NTM: variants seen among roughly 807,000 people sequenced by gnomAD.
NTM encodes the protein IgLON family member 2.
In NTM, 13 loss-of-function variants were observed where a neutral mutation model predicts 42.1. The observed-to-expected ratio is 0.31, with a 90% CI of 0.20 to 0.49. NTM has a LOEUF of 0.49. Among genes scored for constraint, NTM ranks in the 20% least tolerant of loss-of-function variants. The pLI, the probability that NTM is intolerant of heterozygous loss-of-function variation, is 0.99. For missense variants in NTM, 373 were observed against 452.8 expected, an observed-to-expected ratio of 0.82 and a Z score of 1.60; for synonymous variants, 187 against 179.2, an observed-to-expected ratio of 1.04 and a Z score of -0.35.
chr11:131,591,438 A>AG (rs969117339), intron 1 of NTM, among the ~76,000 whole-genome samples: 11 of 152,248 alleles, frequency 7.2e-5, no homozygotes, highest in African/African-American at 2.4e-4. Flanking sequence ...GGGAGATGGA[A>AG]GGGGGGCACA....
chr11:131,851,502 C>G (rs1268313594), intron 1 of NTM, among the ~76,000 whole-genome samples: 1 of 151,388 alleles, frequency 6.6e-6, no homozygotes, highest in Non-Finnish European at 1.5e-5. Context: ...TCTGGCTGGT[C>G]TATAACATCA....
chr11:132,028,637 G>C (rs2075515788), intron 2 of NTM, among the ~76,000 whole-genome samples: 1 of 152,136 alleles, frequency 6.6e-6, no homozygotes, highest in African/African-American at 2.4e-5. Flanking sequence ...TGCGCCGTGA[G>C]CTTCACAAGT....
At chr11:132,275,704 A>G (rs10791220) in intron 4 of NTM, among the ~76,000 whole-genome samples, 30,924 of 127,532 alleles carry the variant, frequency 0.24, 5,710 homozygotes, top group East Asian at 0.65. Flanking sequence ...ATATATATGT[A>G]TATATATATG....
intron 2 of NTM, among the ~76,000 whole-genome samples, chr11:132,029,828 T>C (rs984666477): frequency 3.9e-5 from 6 of 152,082 alleles, no homozygotes; most frequent in African/African-American, 7.2e-5. Context: ...TATAAAGTCA[T>C]TTCTGCCTGT....
chr11:131,554,394 T>C (rs1320359320), intron 1 of NTM, among the ~76,000 whole-genome samples: 1 of 152,122 alleles, frequency 6.6e-6, no homozygotes, highest in Non-Finnish European at 1.5e-5. Context: ...TATCAGCTGA[T>C]CAAAAATACA....
chr11:131,897,702 A>G (rs1472864236), intron 1 of NTM, among the ~76,000 whole-genome samples: 1 of 152,224 alleles, frequency 6.6e-6, no homozygotes, highest in Non-Finnish European at 1.5e-5. Flanking sequence ...TTGATGGAAC[A>G]CCTGGGAAAC....
At chr11:131,687,189 C>T (rs920761186) in intron 1 of NTM, among the ~76,000 whole-genome samples, 1 of 152,210 alleles carries the variant, frequency 6.6e-6, no homozygotes, top group Non-Finnish European at 1.5e-5. Flanking sequence ...TTTCACTAAC[C>T]CCATGTTCCA....
At chr11:132,100,390 C>A (rs1030213232) in intron 2 of NTM, among the ~76,000 whole-genome samples, 1 of 152,140 alleles carries the variant, frequency 6.6e-6, no homozygotes, top group African/African-American at 2.4e-5. Context: ...TGTGGGCAGG[C>A]GGATCATCAC....
chr11:132,012,925 G>A (rs1248544953), intron 2 of NTM, among the ~76,000 whole-genome samples: 1 of 152,086 alleles, frequency 6.6e-6, no homozygotes, highest in Non-Finnish European at 1.5e-5. Flanking sequence ...GAGAAGATTA[G>A]GGAATGTAGA....
chr11:131,599,639 T>A (rs2060294246), intron 1 of NTM, among the ~76,000 whole-genome samples: 1 of 152,234 alleles, frequency 6.6e-6, no homozygotes, highest in South Asian at 2.1e-4. Flanking sequence ...GAGGTCATAA[T>A]GGTGAGCAGG....
chr11:132,060,798 A>C (rs756151340), intron 2 of NTM, among the ~76,000 whole-genome samples: 1 of 152,184 alleles, frequency 6.6e-6, no homozygotes, highest in Non-Finnish European at 1.5e-5. Context: ...TTCCTGCTTC[A>C]TATAGTGTGA....
chr11:131,589,825 T>C (rs752146851), intron 1 of NTM, among the ~76,000 whole-genome samples: 3 of 152,176 alleles, frequency 2.0e-5, no homozygotes, highest in Non-Finnish European at 1.5e-5. Flanking sequence ...TGGTGTCCCT[T>C]AGCTGGAGGT....
intron 4 of NTM, among the ~76,000 whole-genome samples, chr11:132,278,589 C>A (rs988596284): frequency 6.6e-6 from 1 of 152,120 alleles, no homozygotes; most frequent in Admixed American, 6.5e-5. Context: ...GGTGCAGGGT[C>A]ATATTCTCCA....
intron 1 of NTM, among the ~76,000 whole-genome samples, chr11:131,521,166 T>C (rs1299282494): frequency 6.6e-6 from 1 of 151,308 alleles, no homozygotes; most frequent in African/African-American, 2.4e-5. Context: ...TTACTAAAAA[T>C]AAGCCGGGCA....
At chr11:131,620,702 A>G (rs1405163597) in intron 1 of NTM, among the ~76,000 whole-genome samples, 1 of 152,086 alleles carries the variant, frequency 6.6e-6, no homozygotes, top group Non-Finnish European at 1.5e-5. Context: ...CTCCCACGCT[A>G]TTTCCTAATG....
intron 4 of NTM, among the ~76,000 whole-genome samples, chr11:132,221,976 T>G (rs1381285384): frequency 1.3e-5 from 2 of 152,180 alleles, no homozygotes; most frequent in Non-Finnish European, 2.9e-5. Context: ...TTCTCTGGTT[T>G]CATCCCACCT....
intron 2 of NTM, among the ~76,000 whole-genome samples, chr11:131,965,718 C>T (rs918542461): frequency 3.3e-5 from 5 of 152,092 alleles, no homozygotes; most frequent in East Asian, 1.9e-4. Flanking sequence ...CTCAGGCTGC[C>T]GCCCAGAAAG....
At chr11:131,598,760 TTC>T (rs1218417942) in intron 1 of NTM, among the ~76,000 whole-genome samples, 2,430 of 53,372 alleles carry the variant, frequency 0.046, 122 homozygotes, top group African/African-American at 0.076. Context: ...TCTTTCTTCT[TTC>T]TTTTTTTCTT....
At chr11:132,288,409 A>G (rs1314465125) in intron 4 of NTM, among the ~76,000 whole-genome samples, 2 of 152,228 alleles carry the variant, frequency 1.3e-5, no homozygotes, top group African/African-American at 2.4e-5. Context: ...TTTGGCACCT[A>G]TGGTATACCA....
Sources: allele counts gnomAD v4.1 joint callset (sites outside exome capture counted in the v4.1 genomes callset), GRCh38; gene constraint gnomAD v4.1.1; transcripts MANE v1.5; gene names NCBI Gene and HGNC (gene_info 2026-07-23, HGNC 2026-07-21).